ST6GALNAC3: variants seen among roughly 807,000 people sequenced by gnomAD.
ST6GALNAC3 encodes alpha-N-acetylgalactosaminide alpha-2,6-sialyltransferase 3.
In ST6GALNAC3, 25 loss-of-function variants were observed where a neutral mutation model predicts 32.7. That is an observed-to-expected ratio of 0.76 (90% CI 0.56 to 1.07). The LOEUF (loss-of-function observed/expected upper bound fraction) is 1.07. Among genes scored for constraint, ST6GALNAC3 ranks in the 50% least tolerant of loss-of-function variants. The pLI is 0.00. For missense variants in ST6GALNAC3, 355 were observed against 382.4 expected (o/e 0.93, Z 0.60); for synonymous variants, 129 against 133.1 (o/e 0.97, Z 0.21).
intron 2 of ST6GALNAC3, among the ~76,000 whole-genome samples, chr1:76,402,409 C>T (rs1409204258): frequency 1.3e-5 from 2 of 152,146 alleles, no homozygotes; most frequent in Admixed American, 6.6e-5. Flanking sequence ...ATTTTGCCAC[C>T]ATTTCCTTCC....
At chr1:76,462,629 A>G (rs1658357667) in intron 3 of ST6GALNAC3, among the ~76,000 whole-genome samples, 1 of 152,142 alleles carries the variant, frequency 6.6e-6, no homozygotes, top group South Asian at 2.1e-4. Context: ...TAAATAGAGG[A>G]CATATATGTA....
chr1:76,214,302 C>T lies in ST6GALNAC3; in HGVS notation c.19-99503C>T, dbSNP rs528253282. ...TGTAGAACATTTCTGAAAGCTCTCT[C>T]AGTGCTGACCTAGAGCTAGCTTTGG... On this transcript the variant is annotated intron_variant, in intron 1 of 4. Transcript: ENST00000328299. 1.5e-3 allele frequency among the ~76,000 whole-genome samples: 230 copies of T among 152,302 alleles called. 1 individual carries two copies. The highest frequency in any genetic ancestry group is 5.3e-3 in the African/African-American group (222 of 41,560).
intron 2 of ST6GALNAC3, among the ~76,000 whole-genome samples, chr1:76,332,085 C>G (rs772575825): frequency 1.3e-5 from 2 of 152,158 alleles, no homozygotes; most frequent in African/African-American, 2.4e-5. Context: ...AGAGTTAGTT[C>G]TGTGGCAGTG....
At chr1:76,369,387 T>C (rs932223955) in intron 2 of ST6GALNAC3, among the ~76,000 whole-genome samples, 6 of 152,224 alleles carry the variant, frequency 3.9e-5, no homozygotes, top group Non-Finnish European at 7.3e-5. Flanking sequence ...AATGTATATA[T>C]GTAGCTCACT....
At chr1:76,583,616 A>C (rs1352964255) in intron 3 of ST6GALNAC3, among the ~76,000 whole-genome samples, 1 of 152,072 alleles carries the variant, frequency 6.6e-6, no homozygotes, top group Non-Finnish European at 1.5e-5. Flanking sequence ...CCACTGTATA[A>C]TGATTTAACA....
chr1:76,566,171 T>C (rs1005683214), intron 3 of ST6GALNAC3, among the ~76,000 whole-genome samples: 1 of 152,198 alleles, frequency 6.6e-6, no homozygotes, highest in Non-Finnish European at 1.5e-5. Flanking sequence ...TTTCTCAGAT[T>C]CTACCCTAAA....
At chr1:76,586,384 CT>C (rs902006664) in intron 3 of ST6GALNAC3, among the ~76,000 whole-genome samples, 2 of 152,168 alleles carry the variant, frequency 1.3e-5, no homozygotes, top group African/African-American at 4.8e-5. Flanking sequence ...CCCACCTGCC[CT>C]TCTCCTCCAA....
At chr1:76,499,176 A>G (rs1378286996) in intron 3 of ST6GALNAC3, among the ~76,000 whole-genome samples, 1 of 152,208 alleles carries the variant, frequency 6.6e-6, no homozygotes, top group Non-Finnish European at 1.5e-5. Context: ...ATCATTTTTC[A>G]CTAACTGGCA....
At chr1:76,585,489 A>G (rs315034) in intron 3 of ST6GALNAC3, among the ~76,000 whole-genome samples, 25,993 of 152,090 alleles carry the variant, frequency 0.17, 3,091 homozygotes, top group African/African-American at 0.34. Flanking sequence ...TTGCAGTCCC[A>G]GGCGCTTCCA....
At chr1:76,322,221 T>C (rs897560115) in intron 2 of ST6GALNAC3, among the ~76,000 whole-genome samples, 1 of 152,126 alleles carries the variant, frequency 6.6e-6, no homozygotes, top group African/African-American at 2.4e-5. Context: ...GTAGAGAGTT[T>C]TTCTATAGCT....
At chr1:76,214,264 T>C (rs954651807) in intron 1 of ST6GALNAC3, among the ~76,000 whole-genome samples, 1 of 152,214 alleles carries the variant, frequency 6.6e-6, no homozygotes, top group Non-Finnish European at 1.5e-5. Flanking sequence ...GTTGCCATAC[T>C]GGACAGCACA....
chr1:76,524,652 G>C (rs143329914), intron 3 of ST6GALNAC3, among the ~76,000 whole-genome samples: 343 of 151,304 alleles, frequency 2.3e-3, no homozygotes, highest in African/African-American at 8.0e-3. Context: ...ATGATGAATA[G>C]TATTGCTTTT....
intron 3 of ST6GALNAC3, among the ~76,000 whole-genome samples, chr1:76,487,014 G>T (rs569818343): frequency 1.3e-5 from 2 of 152,240 alleles, no homozygotes; most frequent in African/African-American, 4.8e-5. Context: ...TGAAATTCTG[G>T]ATTGAAAATT....
chr1:76,290,794 T>C (rs1287665493), intron 1 of ST6GALNAC3, among the ~76,000 whole-genome samples: 1 of 152,164 alleles, frequency 6.6e-6, no homozygotes, highest in Non-Finnish European at 1.5e-5. Flanking sequence ...TCGCTGCTCC[T>C]TTTCTCACTG....
intron 3 of ST6GALNAC3, among the ~76,000 whole-genome samples, chr1:76,530,567 A>G (rs1663191745): frequency 6.6e-6 from 1 of 152,204 alleles, no homozygotes; most frequent in Non-Finnish European, 1.5e-5. Flanking sequence ...TTTTGATCCT[A>G]GCAATTGAGA....
In ST6GALNAC3 at chr1:76,629,333, A is replaced by C. The variant is rs543019844; in HGVS notation, c.*527A>C. On this transcript the variant is annotated 3_prime_UTR_variant, in exon 5 of 5. Coordinates refer to ENST00000328299, the MANE Select transcript of ST6GALNAC3 (RefSeq NM_152996.4). The stretch of plus-strand genomic sequence containing the variant: ...AAGGATGGGAAAATATCTCTTCCTA[A>C]TATACCATCTTTCTACAGTATTTCC... 2.0e-6 allele frequency: 2 copies of C among 985,704 alleles called. No homozygotes were observed. Among genetic ancestry groups the C allele is most frequent in the Non-Finnish European group, 1.2e-6 (1 of 830,132 alleles). The allele number at this position is 985,704 out of a possible 1,614,324, so 61.1% of individuals were successfully genotyped here. A position where few individuals can be genotyped will look rare whatever the true frequency, so the allele number is the denominator to read the frequency against.
intron 3 of ST6GALNAC3, among the ~76,000 whole-genome samples, chr1:76,489,281 GGTGT>G (rs369016477): frequency 6.6e-6 from 1 of 151,124 alleles, no homozygotes; most frequent in East Asian, 1.9e-4. Flanking sequence ...ATATTTTGCA[GGTGT>G]GTGTGTGTGT....
chr1:76,480,461 G>A (rs1488337553), intron 3 of ST6GALNAC3, among the ~76,000 whole-genome samples: 3 of 152,098 alleles, frequency 2.0e-5, no homozygotes, highest in Non-Finnish European at 4.4e-5. Context: ...AGGAAAATAC[G>A]ATGGAATTTG....
intron 1 of ST6GALNAC3, among the ~76,000 whole-genome samples, chr1:76,290,347 AAT>A (rs1660013960): frequency 6.6e-6 from 1 of 152,198 alleles, no homozygotes; most frequent in African/African-American, 2.4e-5. Flanking sequence ...TTAAAATCAT[AAT>A]ATGTCTTGGA....
Sources: allele counts gnomAD v4.1 joint callset (sites outside exome capture counted in the v4.1 genomes callset), GRCh38; gene constraint gnomAD v4.1.1; transcripts MANE v1.5; gene names NCBI Gene and HGNC (gene_info 2026-07-23, HGNC 2026-07-21).